Variants in RPL27A observed in about 807,000 individuals in gnomAD.
RPL27A encodes the protein ribosomal protein L27a, also known as large ribosomal subunit protein uL15.
For missense variants in RPL27A, 118 were observed against 189.4 expected (o/e 0.62, Z 2.21); for synonymous variants, 69 against 68.3 (o/e 1.01, Z -0.05).
chr11:8,687,871 C>T lies in RPL27A; in HGVS notation c.*2065C>T, dbSNP rs2039601966. On this transcript the variant is annotated 3_prime_UTR_variant, in exon 5 of 5. Transcript: ENST00000314138. ...TCTCGATCTCCTGATCTGCCCGCCT[C>T]AGCCTCCCAAAGTGCTGGGATTACA... 6.6e-6 allele frequency: 1 copy of T among 152,348 alleles called. No homozygotes were observed. Among genetic ancestry groups the T allele is most frequent in the South Asian group, 2.1e-4 (1 of 4,842 alleles). The allele number at this position is 152,348 out of a possible 1,614,324, so 9.4% of individuals were successfully genotyped here.
At chr11:8,685,466 A>G (rs1472427973) in intron 4 of RPL27A, 2 of 716,984 alleles carry the variant, frequency 2.8e-6, no homozygotes, top group East Asian at 2.8e-5. Flanking sequence ...ATCCTGACAC[A>G]ACTCTTGTCC....
At chr11:8,685,440 CCGAGA>C (rs1565592385) in intron 4 of RPL27A, 1 of 678,222 alleles carries the variant, frequency 1.5e-6, no homozygotes, top group South Asian at 1.4e-5. Flanking sequence ...TTATGCTTTG[CCGAGA>C]CTAGAGTCAC....
intron 1 of RPL27A, 108 bp downstream of exon 1, chr11:8,682,924 T>A: frequency 7.1e-7 from 1 of 1,408,500 alleles, no homozygotes; most frequent in Non-Finnish European, 9.7e-7. Context: ...GCTTCCAGGC[T>A]GCGCATGGCC....
chr11:8,683,114 C>CCA, intron 1 of RPL27A, 88 bp from the exon 2 acceptor site: 1 of 1,371,972 alleles, frequency 7.3e-7, no homozygotes, highest in Non-Finnish European at 1.0e-6. Context: ...GGTCTTTGAC[C>CCA]CACAGGCTTA....
At chr11:8,683,338 C>T in intron 2 of RPL27A, 73 bp downstream of exon 2, 1 of 1,328,438 alleles carries the variant, frequency 7.5e-7, no homozygotes, top group Non-Finnish European at 1.1e-6. Flanking sequence ...AGATCGGTAG[C>T]CTATAAGTGG....
chr11:8,684,605 C>G (rs773933618), intron 3 of RPL27A, 113 bp from the exon 4 acceptor site: 105 of 896,978 alleles, frequency 1.2e-4, no homozygotes, highest in Non-Finnish European at 1.8e-4. Flanking sequence ...ATGCCTGACA[C>G]TGCTCTACAC....
At chr11:8,685,276 T>G in intron 4 of RPL27A, 1 of 453,374 alleles carries the variant, frequency 2.2e-6, no homozygotes, top group Non-Finnish European at 4.2e-6. Flanking sequence ...CAGTCTTAAC[T>G]CTCATGAATA....
Position 8,685,337 on chromosome 11 carries a change from C to T in RPL27A, c.319-341C>T, listed in dbSNP as rs1020025046. 5.6e-6 allele frequency: 3 copies of T among 538,036 alleles called. No homozygotes were observed. The African/African-American group carries it at 5.7e-5, about 10-fold the overall frequency. The allele number at this position is 538,036 out of a possible 1,614,324, so 33.3% of individuals were successfully genotyped here. On this transcript the variant is annotated intron_variant, in intron 4 of 4. Coordinates refer to ENST00000314138, the MANE Select transcript of RPL27A (RefSeq NM_000990.5). ...CCCTAGGGACGCTTTAAATTCACTT[C>T]CCAGCCTATTTAATGTCCATTGAGT... is the stretch of plus-strand genomic sequence containing the variant.
Position 8,688,253 on chromosome 11 carries a change from G to A in RPL27A, c.*2447G>A, listed in dbSNP as rs929530072. The A allele has an allele frequency of 1.3e-5, 2 of 152,294 alleles. No individual in the cohort carries two copies. The highest frequency in any genetic ancestry group is 4.1e-4 in the South Asian group (2 of 4,826). 9.4% of individuals were successfully genotyped at this position (152,294 alleles called of 1,614,324 possible). On this transcript the variant is annotated 3_prime_UTR_variant, in exon 5 of 5. Coordinates refer to ENST00000314138, the MANE Select transcript of RPL27A (RefSeq NM_000990.5). ...TAGTGGGCCGACCACAAAATGATAA[G>A]GCATGGAAGGAAGTAGAGTTTGGGG...
At chr11:8,683,102 T>G in intron 1 of RPL27A, 100 bp from the exon 2 acceptor site, 1 of 1,268,068 alleles carries the variant, frequency 7.9e-7, no homozygotes, top group Middle Eastern at 1.9e-4. Context: ...CTCCAGAAGT[T>G]AGGTCTTTGA....
Position 8,685,119 on chromosome 11 carries a change from T to G in RPL27A, c.318+227T>G, listed in dbSNP as rs2039574117. The G allele has an allele frequency of 1.2e-5, 7 of 578,752 alleles. No homozygotes were observed. In the East Asian group the frequency reaches 2.1e-4, roughly 17 times the overall value. 35.9% of individuals were successfully genotyped at this position (578,752 alleles called of 1,614,324 possible). On this transcript the variant is annotated intron_variant, in intron 4 of 4. Transcript: ENST00000314138. ...TGCTTGAACTATAGCTGGTTTTCAC[T>G]GAGCACAGCTCTTGGCCCTTCATGT... is the stretch of plus-strand genomic sequence containing the variant.
At chr11:8,684,113 A>G (rs1278955497) in intron 3 of RPL27A, 32 bp downstream of exon 3, 1 of 1,574,244 alleles carries the variant, frequency 6.4e-7, no homozygotes, top group Non-Finnish European at 8.7e-7. Flanking sequence ...TTATTGACAC[A>G]GCTTGGGAGG....
At chr11:8,683,802 C>G (rs966016713) in intron 2 of RPL27A, 11 of 577,848 alleles carry the variant, frequency 1.9e-5, no homozygotes, top group South Asian at 3.8e-5. Flanking sequence ...CTCAGCCTCC[C>G]GAGTAGCTGA....
chr11:8,689,104 G>A lies in RPL27A; in HGVS notation c.*3298G>A, dbSNP rs1351258134. On this transcript the variant is annotated 3_prime_UTR_variant, in exon 5 of 5. Coordinates refer to ENST00000314138, the MANE Select transcript of RPL27A (RefSeq NM_000990.5). Reference sequence around the variant, plus strand: ...CGGAGCCGGCCAGTGGTGCGCGAGCGCAGATAACTCCCCTGGAGAGGCGGG... The same window carrying A: ...CGGAGCCGGCCAGTGGTGCGCGAGCACAGATAACTCCCCTGGAGAGGCGGG... 6.6e-6 allele frequency: 1 copy of A among 152,284 alleles called. No homozygotes were observed. The highest frequency in any genetic ancestry group is 1.5e-5 in the Non-Finnish European group (1 of 68,068). The allele number at this position is 152,284 out of a possible 1,614,324, so 9.4% of individuals were successfully genotyped here.
At chr11:8,685,444 G>T (rs758376903) in intron 4 of RPL27A, 1 of 689,362 alleles carries the variant, frequency 1.5e-6, no homozygotes, top group South Asian at 1.4e-5. Flanking sequence ...GCTTTGCCGA[G>T]ACTAGAGTCA....
chr11:8,682,802 T>G lies in RPL27A; in HGVS notation c.-12T>G. The G allele has an allele frequency of 6.2e-7, 1 of 1,613,424 alleles. No homozygotes were observed. Among genetic ancestry groups the G allele is most frequent in the Non-Finnish European group, 8.5e-7 (1 of 1,179,648 alleles). On this transcript the variant is annotated 5_prime_UTR_variant, in exon 1 of 5. Coordinates refer to ENST00000314138, the MANE Select transcript of RPL27A (RefSeq NM_000990.5). ...TTGGCGAAGGCCTTCCTTTTTCGTCTGGGCTGCCAACATGGTAGGTGTTTC... is the reference window on the plus strand; with the variant it reads ...TTGGCGAAGGCCTTCCTTTTTCGTCGGGGCTGCCAACATGGTAGGTGTTTC...
At chr11:8,684,327 G>GCACA (rs756575961) in intron 3 of RPL27A, 2 of 741,530 alleles carry the variant, frequency 2.7e-6, no homozygotes, top group South Asian at 2.7e-5. Flanking sequence ...GGGCCTTATG[G>GCACA]CACAGTCAGT....
At chr11:8,684,664 A>C (rs1426853504) in intron 3 of RPL27A, 54 bp from the exon 4 acceptor site, 24 of 1,494,956 alleles carry the variant, frequency 1.6e-5, no homozygotes, top group Non-Finnish European at 1.9e-5. Flanking sequence ...TAAAGATGAT[A>C]AACATAGCAT....
At chr11:8,684,313 C>A (rs1265393012) in intron 3 of RPL27A, 2 of 747,660 alleles carry the variant, frequency 2.7e-6, no homozygotes, top group Non-Finnish European at 4.9e-6. Flanking sequence ...TATTCACTGG[C>A]TGTGGGCCTT....
Sources: allele counts gnomAD v4.1 joint callset, GRCh38; gene constraint gnomAD v4.1.1; transcripts MANE v1.5; gene names NCBI Gene and HGNC (gene_info 2026-07-23, HGNC 2026-07-21).